APOL1: variants seen among roughly 807,000 people sequenced by gnomAD.
APOL1 encodes apolipoprotein L 1.
Under a neutral mutation model 14.9 loss-of-function variants are expected in APOL1, and 17 were observed. The ratio of observed to expected loss-of-function variants is 1.14; its 90% CI spans 0.78 to 1.71. The LOEUF (loss-of-function observed/expected upper bound fraction) is 1.71, where lower values mean the gene tolerates loss of function less well. Ranked by LOEUF, APOL1 falls within the 40% of genes most tolerant of loss-of-function variation. The pLI is 0.00. For missense variants in APOL1, 523 were observed against 485.9 expected (o/e 1.08, Z -0.72); for synonymous variants, 195 against 184.8 (o/e 1.05, Z -0.45).
chr22:36,262,075 C>T (rs566400289), intron 5 of APOL1, among the ~76,000 whole-genome samples: 3 of 152,196 alleles, frequency 2.0e-5, no homozygotes, highest in Non-Finnish European at 4.4e-5. Flanking sequence ...GACTGACACA[C>T]AGTAGGTGCA....
rs905786563 is a variant in APOL1, at chr22:36,266,670, C to T, written c.*637C>T. ...CCTGTAATCCGAGCACTTTGGGAGG[C>T]CAAGGCGGGCGGATCACGAGGTCAG... On this transcript the variant is annotated 3_prime_UTR_variant, in exon 6 of 6. Coordinates refer to ENST00000397278, the MANE Select transcript of APOL1 (RefSeq NM_003661.4). The T allele has an allele frequency of 1.4e-4, 53 of 382,910 alleles. No individual in the cohort carries two copies. The highest frequency in any genetic ancestry group is 2.2e-4 in the Non-Finnish European group (47 of 215,336). 23.7% of individuals were successfully genotyped at this position (382,910 alleles called of 1,614,324 possible).
chr22:36,261,680 A>T lies in APOL1; in HGVS notation c.272A>T (p.Asn91Ile), dbSNP rs751841122. ...TQNLLLLLTD[N>I]EAWNGFVAAA... The stretch of plus-strand genomic sequence containing the variant: ...AATCTGCTACTCCTGCTGACTGATA[A>T]TGAGGCCTGGAACGGATTCGTGGCT... Residue 91 changes from asparagine (N) to isoleucine (I), a missense_variant, in exon 5 of 6, where the codon AAT (asparagine) becomes ATT (isoleucine). By Grantham distance (149) the Asn-to-Ile change is moderately radical (BLOSUM62 -3). Transcript: ENST00000397278. 6.2e-7 allele frequency: 1 copy of T among 1,614,118 alleles called. No individual in the cohort carries two copies. The highest frequency in any genetic ancestry group is 2.2e-5 in the East Asian group (1 of 44,874).
At position 36,258,149 on chromosome 22, in the gene APOL1, T is replaced by TC. The variant is rs564931127; in HGVS notation, c.187+750dup. Among the ~76,000 whole-genome samples the TC allele has an allele frequency of 7.7e-3, 1,160 of 149,942 alleles. 5 individuals are homozygous for TC. Among genetic ancestry groups the TC allele is most frequent in the Middle Eastern group, 0.01 (3 of 290 alleles). On this transcript the variant is annotated intron_variant, in intron 4 of 5. Coordinates refer to ENST00000397278, the MANE Select transcript of APOL1 (RefSeq NM_003661.4). ...TTGATTCCAGGTGGAAGCCACCCCG[T>TC]CCCCCCCCAGCTGTGTTAGGGCACC...
chr22:36,266,053 C>A lies in APOL1; in HGVS notation c.*20C>A. The stretch of plus-strand genomic sequence containing the variant: ...CTGTGACCACAGGGCAGGGCAGCCA[C>A]CAGGAGAGATATGCCTGGCAGGGGC... On this transcript the variant is annotated 3_prime_UTR_variant, in exon 6 of 6. Coordinates refer to ENST00000397278, the MANE Select transcript of APOL1 (RefSeq NM_003661.4). 1 of 1,568,642 alleles carries A rather than the reference C, an allele frequency of 6.4e-7. No individual in the cohort carries two copies. The highest frequency in any genetic ancestry group is 8.6e-7 in the Non-Finnish European group (1 of 1,159,456).
chr22:36,264,255 C>G (rs182095267), intron 5 of APOL1, among the ~76,000 whole-genome samples: 1 of 152,164 alleles, frequency 6.6e-6, no homozygotes, highest in South Asian at 2.1e-4. Context: ...CTTTAGTCCC[C>G]GGGTCCTCTG....
intron 4 of APOL1, chr22:36,259,639 A>G: frequency 7.8e-7 from 1 of 1,273,936 alleles, no homozygotes; most frequent in Non-Finnish European, 1.0e-6. Context: ...CTCTCCCCCC[A>G]AAACAAGATG....
At chr22:36,256,127 G>C (rs1445753428) in intron 2 of APOL1, among the ~76,000 whole-genome samples, 1 of 152,022 alleles carries the variant, frequency 6.6e-6, no homozygotes, top group Non-Finnish European at 1.5e-5. Flanking sequence ...GTACTAATTG[G>C]TGTTGATAAC....
rs368899919 is a variant in APOL1, at chr22:36,264,810, C to CTTT, written c.315-323_315-321dup. Among the ~76,000 whole-genome samples, 63 of 120,416 alleles carry CTTT rather than the reference C, an allele frequency of 5.2e-4. 1 individual carries two copies. The highest frequency in any genetic ancestry group is 4.5e-3 in the Middle Eastern group (1 of 222). 79.0% of individuals were successfully genotyped at this position (120,416 alleles called of 152,430 possible). On this transcript the variant is annotated intron_variant, in intron 5 of 5. Coordinates refer to ENST00000397278, the MANE Select transcript of APOL1 (RefSeq NM_003661.4). ...TTTCACAGACAGGGAAACTGCATTTCTTTTTTTTTTTTTTTTTTTTGAGTT... is the reference window on the plus strand; with the variant it reads ...TTTCACAGACAGGGAAACTGCATTTCTTTTTTTTTTTTTTTTTTTTTTTGAGTT...
At chr22:36,253,997 T>A (rs2015774622) in intron 1 of APOL1, 1 of 1,613,942 alleles carries the variant, frequency 6.2e-7, no homozygotes, top group Non-Finnish European at 8.5e-7. Flanking sequence ...GAATTGTGAG[T>A]ATAACTACAG....
At chr22:36,259,352 G>A (rs1603482085) in intron 4 of APOL1, among the ~76,000 whole-genome samples, 1 of 152,102 alleles carries the variant, frequency 6.6e-6, no homozygotes, top group Non-Finnish European at 1.5e-5. Flanking sequence ...CCTCCTTTTG[G>A]TGAAGAAGGA....
At chr22:36,254,081 C>T in intron 1 of APOL1, 1 of 1,500,760 alleles carries the variant, frequency 6.7e-7, no homozygotes, top group Non-Finnish European at 9.2e-7. Context: ...TAAAATCAAA[C>T]ATTTTTGCTT....
Position 36,265,143 on chromosome 22 carries a change from T to C in APOL1, c.315-8T>C. ...CATTTCTTAATCCTTTAACCTTTCC[T>C]TGTGCAGGAATGAGGCAGATGAGCT... On this transcript the variant is annotated splice_region_variant and splice_polypyrimidine_tract_variant and intron_variant, in intron 5 of 5. Transcript: ENST00000397278. 6.2e-7 allele frequency: 1 copy of C among 1,613,696 alleles called. No individual in the cohort carries two copies. Among genetic ancestry groups the C allele is most frequent in the Middle Eastern group, 1.7e-4 (1 of 6,058 alleles).
chr22:36,255,108 C>A, intron 2 of APOL1, 109 bp downstream of exon 2: 3 of 1,322,494 alleles, frequency 2.3e-6, no homozygotes, highest in Non-Finnish European at 3.2e-6. Flanking sequence ...TTCTAGGAAC[C>A]AAAGTCACTT....
intron 1 of APOL1, chr22:36,254,109 G>C: frequency 8.4e-7 from 1 of 1,188,742 alleles, no homozygotes; most frequent in South Asian, 1.3e-5. Context: ...AGAGTCACAA[G>C]GGCAGATGTT....
At chr22:36,255,430 G>T (rs199528719) in intron 2 of APOL1, among the ~76,000 whole-genome samples, 1 of 151,528 alleles carries the variant, frequency 6.6e-6, no homozygotes, top group Non-Finnish European at 1.5e-5. Flanking sequence ...AAAGCAGGAA[G>T]AAGGCGAAGG....
chr22:36,259,584 C>T, intron 4 of APOL1: 4 of 1,222,672 alleles, frequency 3.3e-6, no homozygotes, highest in East Asian at 5.8e-5. Context: ...ACTCAGCCGA[C>T]CCCGGAATCC....
intron 1 of APOL1, 28 bp from the exon 2 acceptor site, chr22:36,254,909 T>C: frequency 6.2e-7 from 1 of 1,613,202 alleles, no homozygotes; most frequent in Non-Finnish European, 8.5e-7. Context: ...AGGAGCACAC[T>C]GTCTCAACCC....
intron 4 of APOL1, chr22:36,259,937 T>C (rs1441341932): frequency 1.1e-5 from 14 of 1,264,144 alleles, no homozygotes; most frequent in South Asian, 6.5e-5. Flanking sequence ...TAAGGGAGAA[T>C]GCAGAGACCA....
At position 36,265,899 on chromosome 22, in the gene APOL1, G is replaced by T. The variant is rs151114491; in HGVS notation, c.1063G>T (p.Glu355Ter). The T allele has an allele frequency of 3.1e-6, 5 of 1,614,030 alleles. No individual in the cohort carries two copies. The highest frequency in any genetic ancestry group is 2.7e-5 in the African/African-American group (2 of 74,910). The change falls in exon 6 of 6, where the codon GAA (glutamate) becomes TAA (stop). Residue 355 changes from glutamate to a stop codon, truncating the protein, a stop_gained. Transcript: ENST00000397278. LOFTEE classifies it low-confidence loss of function (END_TRUNC). ...GCTGGATGTAGTCTACCTCGTGTAC[G>T]AATCAAAGCACTTACATGAGGGGGC... is the stretch of plus-strand genomic sequence containing the variant. ...LVLDVVYLVY[E>*]SKHLHEGAKS... is the part of the protein sequence containing the mutation.
Sources: gnomAD v4.1 joint callset for allele counts (sites outside exome capture counted in the v4.1 genomes callset) on GRCh38, gnomAD v4.1.1 for gene constraint, MANE v1.5 for transcripts, NCBI Gene and HGNC (gene_info 2026-07-23, HGNC 2026-07-21) for gene names.